MACROD1: variants seen among roughly 807,000 people sequenced by gnomAD.
The protein encoded by MACROD1 is mono-ADP ribosylhydrolase 1.
Under a neutral mutation model 41.4 loss-of-function variants are expected in MACROD1, and 31 were observed. The observed-to-expected ratio is 0.75, with a 90% CI of 0.56 to 1.01. The LOEUF (loss-of-function observed/expected upper bound fraction) is 1.01. Ranked by LOEUF, MACROD1 falls within the 50% of genes least tolerant of loss-of-function variation. MACROD1 has a pLI of 0.00. For synonymous variants in MACROD1, 252 were observed against 203.4 expected (o/e 1.24, Z -2.03); for missense variants, 473 against 460.0 (o/e 1.03, Z -0.26).
At chr11:64,012,654 C>A in intron 4 of MACROD1, among the ~76,000 whole-genome samples, 1 of 152,168 alleles carries the variant, frequency 6.6e-6, no homozygotes, top group East Asian at 1.9e-4. Flanking sequence ...CCACTTCAGC[C>A]TCCCAAAGAA....
At chr11:64,032,367 C>T (rs1489979820) in intron 3 of MACROD1, among the ~76,000 whole-genome samples, 1 of 152,172 alleles carries the variant, frequency 6.6e-6, no homozygotes, top group Non-Finnish European at 1.5e-5. Flanking sequence ...AATGGAGGCA[C>T]AGCAAGGCTG....
At chr11:64,087,949 G>T (rs959319069) in intron 3 of MACROD1, among the ~76,000 whole-genome samples, 3 of 152,170 alleles carry the variant, frequency 2.0e-5, no homozygotes, top group African/African-American at 7.2e-5. Context: ...AGGGGAGGCC[G>T]GGCCTCCTCA....
At chr11:64,151,204 G>A (rs375635665) in intron 3 of MACROD1, 35 bp downstream of exon 3, 75 of 1,559,794 alleles carry the variant, frequency 4.8e-5, no homozygotes, top group East Asian at 1.6e-4. Context: ...GCAACAGGGC[G>A]GCCACCAGGT....
chr11:64,025,252 C>T (rs1328230426), intron 3 of MACROD1, among the ~76,000 whole-genome samples: 1 of 152,188 alleles, frequency 6.6e-6, no homozygotes, highest in Non-Finnish European at 1.5e-5. Context: ...GCCACCATAC[C>T]CAGCTGGGGC....
At chr11:64,116,432 C>T in intron 3 of MACROD1, 1 of 1,614,084 alleles carries the variant, frequency 6.2e-7, no homozygotes, top group Non-Finnish European at 8.5e-7. Context: ...CCACCTGCCC[C>T]TCGGTGTGCC....
intron 3 of MACROD1, among the ~76,000 whole-genome samples, chr11:64,061,265 T>C (rs971878330): frequency 1.6e-4 from 25 of 152,238 alleles, no homozygotes; most frequent in African/African-American, 5.3e-4. Context: ...AATTGCTGGC[T>C]GTCAGGGCAG....
chr11:64,148,036 G>A (rs565842041), intron 3 of MACROD1, among the ~76,000 whole-genome samples: 248 of 152,126 alleles, frequency 1.6e-3, no homozygotes, highest in African/African-American at 5.4e-3. Flanking sequence ...ACTACGTCCC[G>A]CCCAGGGTCC....
chr11:64,149,399 G>T (rs1945542259), intron 3 of MACROD1, among the ~76,000 whole-genome samples: 1 of 152,144 alleles, frequency 6.6e-6, no homozygotes, highest in South Asian at 2.1e-4. Context: ...CACTGCCCCA[G>T]CCCTGGCCCT....
chr11:64,156,459 G>C (rs1945670171), intron 1 of MACROD1, among the ~76,000 whole-genome samples: 1 of 152,172 alleles, frequency 6.6e-6, no homozygotes, highest in African/African-American at 2.4e-5. Context: ...GGACCCCAGA[G>C]GCCTTGCTGA....
At chr11:64,059,624 C>A (rs1047586823) in intron 3 of MACROD1, among the ~76,000 whole-genome samples, 1 of 152,284 alleles carries the variant, frequency 6.6e-6, no homozygotes, top group Non-Finnish European at 1.5e-5. Flanking sequence ...GGTACCTGGA[C>A]TCTTGGATGG....
chr11:64,129,898 A>G (rs1945240867), intron 3 of MACROD1, among the ~76,000 whole-genome samples: 1 of 151,712 alleles, frequency 6.6e-6, no homozygotes. Context: ...TGAAAGGAAA[A>G]CCCTCCAAAC....
rs1259292313 is a variant in MACROD1, at chr11:64,036,886, A to G, written c.518-21605T>C. On this transcript the variant is annotated intron_variant, in intron 3 of 10. Coordinates refer to ENST00000255681, the MANE Select transcript of MACROD1 (RefSeq NM_014067.4). This position sits in a 1 kb window ranked among gnomAD's most constrained non-coding sequence, Gnocchi z 5.6. ...GCACGCCCCTCCTCGCGGGCACTGG[A>G]GACCCCGGGGAGGAAGGCTGGGGAG... Among the ~76,000 whole-genome samples the G allele has an allele frequency of 6.6e-6, 1 of 152,128 alleles. No homozygotes were observed. Among genetic ancestry groups the G allele is most frequent in the African/African-American group, 2.4e-5 (1 of 41,432 alleles).
intron 3 of MACROD1, among the ~76,000 whole-genome samples, chr11:64,019,381 A>G (rs1330896368): frequency 1.3e-5 from 2 of 152,166 alleles, no homozygotes; most frequent in African/African-American, 4.8e-5. Context: ...TGGAAACCTC[A>G]GTCTCCGACT....
At chr11:64,025,705 T>C (rs1943214695) in intron 3 of MACROD1, among the ~76,000 whole-genome samples, 1 of 123,608 alleles carries the variant, frequency 8.1e-6, no homozygotes, top group Non-Finnish European at 1.9e-5. Flanking sequence ...ACTGCTCTCA[T>C]GGGCCCCCCC....
intron 3 of MACROD1, chr11:64,103,902 T>A (rs191015810): frequency 1.3e-5 from 2 of 152,484 alleles, no homozygotes; most frequent in Non-Finnish European, 2.9e-5. Flanking sequence ...AGGAGGCTGC[T>A]GATTGTGGCC....
intron 3 of MACROD1, among the ~76,000 whole-genome samples, chr11:64,129,420 C>A (rs1012066037): frequency 4.6e-5 from 7 of 152,232 alleles, no homozygotes; most frequent in African/African-American, 1.4e-4. Flanking sequence ...ACCACCCGCA[C>A]CAACCCTACG....
Position 64,116,242 on chromosome 11 carries a change from G to A in MACROD1, c.517+34997C>T, listed in dbSNP as rs199566548. On this transcript the variant is annotated intron_variant, in intron 3 of 10. Coordinates refer to ENST00000255681, the MANE Select transcript of MACROD1 (RefSeq NM_014067.4). ...AGGTATTCAGGCTCCAGGCCAGGTG[G>A]GGCCGGACGCCCCCAGCCATCCACC... is the stretch of plus-strand genomic sequence containing the variant. 2,730 of 1,580,040 alleles carry A rather than the reference G, an allele frequency of 1.7e-3. 5 individuals carry two copies. The highest frequency in any genetic ancestry group is 2.2e-3 in the Non-Finnish European group (2,552 of 1,167,962).
intron 3 of MACROD1, among the ~76,000 whole-genome samples, chr11:64,021,699 G>A (rs1211030031): frequency 6.6e-6 from 1 of 151,818 alleles, no homozygotes; most frequent in Non-Finnish European, 1.5e-5. Context: ...GTCCTGGCCT[G>A]GCCTTCATTC....
At chr11:64,027,579 C>A (rs1943238625) in intron 3 of MACROD1, among the ~76,000 whole-genome samples, 1 of 152,182 alleles carries the variant, frequency 6.6e-6, no homozygotes, top group Non-Finnish European at 1.5e-5. Context: ...CACCCTCCTG[C>A]CCATGGGGGC....
Sources: allele counts gnomAD v4.1 joint callset (sites outside exome capture counted in the v4.1 genomes callset), GRCh38; gene constraint gnomAD v4.1.1; non-coding constraint Gnocchi (gnomAD v3.1); transcripts MANE v1.5; gene names NCBI Gene and HGNC (gene_info 2026-07-23, HGNC 2026-07-21).